The following JAKMIP3 variants were observed in gnomAD, a reference collection of about 807,000 sequenced individuals.
JAKMIP3 encodes janus kinase and microtubule-interacting protein 3.
JAKMIP3 carries 58 observed loss-of-function variants against 118.5 expected under a neutral mutation model. That is an observed-to-expected ratio of 0.49 (90% CI 0.40 to 0.61). JAKMIP3 has a LOEUF of 0.61. Ranked by LOEUF, JAKMIP3 falls within the 20% of genes least tolerant of loss-of-function variation. JAKMIP3 has a pLI of 0.00. For missense variants in JAKMIP3, 950 were observed against 1,109.0 expected, an observed-to-expected ratio of 0.86 and a Z score of 2.04; for synonymous variants, 486 against 451.2, an observed-to-expected ratio of 1.08 and a Z score of -0.98.
At chr10:132,178,919 C>T (rs2060435800) in intron 23 of JAKMIP3, among the ~76,000 whole-genome samples, 2 of 152,226 alleles carry the variant, frequency 1.3e-5, no homozygotes, top group African/African-American at 4.8e-5. Context: ...AATGCTGTTT[C>T]CTGATCCATA....
intron 9 of JAKMIP3, among the ~76,000 whole-genome samples, chr10:132,139,131 T>A: frequency 6.6e-6 from 1 of 151,916 alleles, no homozygotes; most frequent in African/African-American, 2.4e-5. Flanking sequence ...TCTGTGTGTG[T>A]GTGCATGTGT....
At chr10:132,167,867 C>CTCGCCCT in intron 22 of JAKMIP3, 86 bp from the exon 23 acceptor site, 2 of 1,059,594 alleles carry the variant, frequency 1.9e-6, no homozygotes, top group Non-Finnish European at 2.5e-6. Flanking sequence ...CCCCTCGGCC[C>CTCGCCCT]TCGCCCCTCG....
intron 1 of JAKMIP3, among the ~76,000 whole-genome samples, chr10:132,056,830 C>T (rs1390636759): frequency 6.6e-6 from 1 of 152,184 alleles, no homozygotes; most frequent in Non-Finnish European, 1.5e-5. Flanking sequence ...GGGCTCTCGC[C>T]TGGCCTGATG....
chr10:132,177,833 G>A (rs1565013943), intron 23 of JAKMIP3, among the ~76,000 whole-genome samples: 1 of 145,108 alleles, frequency 6.9e-6, no homozygotes, highest in Non-Finnish European at 1.5e-5. Flanking sequence ...GTGCGCACCT[G>A]CTCCTGTGCC....
At chr10:132,180,756 T>TGCGTGTGTGTGC (rs1184424787) in intron 23 of JAKMIP3, among the ~76,000 whole-genome samples, 1 of 31,076 alleles carries the variant, frequency 3.2e-5, no homozygotes, top group Admixed American at 4.0e-4. Context: ...CGCGCGCGTG[T>TGCGTGTGTGTGC]GTGCGTGTGT....
chr10:132,167,801 GTCCTCACCCCTCAC>G (rs2059066922), intron 22 of JAKMIP3, among the ~76,000 whole-genome samples, 138 bp from the exon 23 acceptor site: 3 of 147,212 alleles, frequency 2.0e-5, no homozygotes, highest in African/African-American at 7.6e-5. Flanking sequence ...CAGCCCTTCG[GTCCTCACCCCTCAC>G]CCCTCGGCCC....
chr10:132,141,884 T>C, intron 10 of JAKMIP3, 36 bp from the exon 11 acceptor site: 2 of 1,571,406 alleles, frequency 1.3e-6, no homozygotes, highest in South Asian at 2.3e-5. Context: ...ACTGACACTG[T>C]GTCTCTGTGC....
chr10:132,182,184 G>A (rs987773975), intron 23 of JAKMIP3, among the ~76,000 whole-genome samples, 173 bp from the exon 24 acceptor site: 3 of 152,206 alleles, frequency 2.0e-5, no homozygotes, highest in African/African-American at 7.2e-5. Flanking sequence ...AGGACGTGGC[G>A]CTGTAGCTGG....
At chr10:132,077,527 C>T (rs754478581) in intron 1 of JAKMIP3, among the ~76,000 whole-genome samples, 35 of 152,318 alleles carry the variant, frequency 2.3e-4, no homozygotes, top group Middle Eastern at 3.4e-3. Flanking sequence ...TTCAGCCCCT[C>T]GGGGGCCTGG....
chr10:132,147,205 A>G (rs2054790543), intron 13 of JAKMIP3, among the ~76,000 whole-genome samples: 1 of 152,036 alleles, frequency 6.6e-6, no homozygotes, highest in Non-Finnish European at 1.5e-5. Context: ...GAGCCGGCTC[A>G]CTCCAAGGAT....
At chr10:132,036,766 A>G (rs2037511762) in intron 1 of JAKMIP3, among the ~76,000 whole-genome samples, 1 of 150,698 alleles carries the variant, frequency 6.6e-6, no homozygotes. Flanking sequence ...TGGGGCCGCG[A>G]CCGGGGGCCG....
At chr10:132,139,430 T>G (rs7072701) in intron 9 of JAKMIP3, among the ~76,000 whole-genome samples, 3 of 131,744 alleles carry the variant, frequency 2.3e-5, no homozygotes, top group Non-Finnish European at 5.0e-5. Context: ...GTGTGTGTGT[T>G]TGTGTGTACA....
chr10:132,101,837 C>T (rs1463378775), intron 1 of JAKMIP3, among the ~76,000 whole-genome samples: 2 of 152,116 alleles, frequency 1.3e-5, no homozygotes, highest in East Asian at 1.9e-4. Flanking sequence ...GAGCAGTCAC[C>T]TGTGGTGGTA....
intron 1 of JAKMIP3, among the ~76,000 whole-genome samples, chr10:132,057,626 C>A (rs1035732735): frequency 1.3e-5 from 2 of 152,228 alleles, no homozygotes; most frequent in Non-Finnish European, 2.9e-5. Flanking sequence ...ACCTGAGCAG[C>A]CCTGCACGTG....
upstream of JAKMIP3, among the ~76,000 whole-genome samples, chr10:132,060,545 G>T (rs2038362584): frequency 6.6e-6 from 1 of 152,202 alleles, no homozygotes; most frequent in Admixed American, 6.5e-5. Context: ...GCGTGTTCCT[G>T]CAAGGCAGGA....
intron 8 of JAKMIP3, 86 bp from the exon 9 acceptor site, chr10:132,138,033 A>T: frequency 1.6e-6 from 2 of 1,277,010 alleles, no homozygotes; most frequent in Non-Finnish European, 2.2e-6. Context: ...TGTCATCCAA[A>T]TGATGGCACA....
rs992637319 is a variant in JAKMIP3, at chr10:132,164,855, C to T, written c.2490+120C>T. On this transcript the variant is annotated intron_variant, in intron 21 of 23. Transcript: ENST00000684848. ...GGGCAGCAGACTTCGCTCCCAACAG[C>T]AGCGGGAAGCGGCCGCCTGGAGGCC... is the stretch of plus-strand genomic sequence containing the variant. 5 of 702,954 alleles carry T rather than the reference C, an allele frequency of 7.1e-6. No individual in the cohort carries two copies. In the African/African-American group the frequency reaches 7.2e-5, roughly 10 times the overall value. 43.5% of individuals were successfully genotyped at this position (702,954 alleles called of 1,614,324 possible).
chr10:132,153,246 AC>A (rs1485421780), intron 17 of JAKMIP3, among the ~76,000 whole-genome samples: 1 of 152,122 alleles, frequency 6.6e-6, no homozygotes. Flanking sequence ...TCTGTCACCA[AC>A]CCTGTCTGCG....
At chr10:132,115,692 C>A (rs2135294631) in intron 2 of JAKMIP3, among the ~76,000 whole-genome samples, 1 of 152,174 alleles carries the variant, frequency 6.6e-6, no homozygotes, top group African/African-American at 2.4e-5. Context: ...TGGAGGTTAG[C>A]AGAAGATAAT....
Sources: gnomAD v4.1 joint callset for allele counts (sites outside exome capture counted in the v4.1 genomes callset) on GRCh38, gnomAD v4.1.1 for gene constraint, MANE v1.5 for transcripts, NCBI Gene and HGNC (gene_info 2026-07-23, HGNC 2026-07-21) for gene names.